Variants in BCAP29 observed in about 807,000 individuals in gnomAD.
BCAP29 encodes the protein B-cell receptor-associated protein 29.
BCAP29 carries 34 observed loss-of-function variants against 31.8 expected under a neutral mutation model. That is an observed-to-expected ratio of 1.07 (90% CI 0.81 to 1.42). The LOEUF is 1.42. Ranked by LOEUF, BCAP29 falls within the 40% of genes most tolerant of loss-of-function variation. The probability of loss-of-function intolerance (pLI) is 0.00; values close to 1 mark genes in which losing one functional copy is unlikely to be tolerated. For synonymous variants in BCAP29, 104 were observed against 91.3 expected, an observed-to-expected ratio of 1.14 and a Z score of -0.79; for missense variants, 314 against 269.2, an observed-to-expected ratio of 1.17 and a Z score of -1.16.
At chr7:107,600,362 A>G (rs1477038390) in intron 5 of BCAP29, 35 bp from the exon 6 acceptor site, 2 of 1,299,486 alleles carry the variant, frequency 1.5e-6, no homozygotes, top group Middle Eastern at 1.9e-4. Flanking sequence ...ATTGCAATCT[A>G]AGCTTATTTC....
At chr7:107,594,187 G>A (rs999544086) in intron 4 of BCAP29, 82 bp downstream of exon 4, 6 of 1,289,692 alleles carry the variant, frequency 4.7e-6, no homozygotes, top group Non-Finnish European at 5.3e-6. Flanking sequence ...CTTTACTGTA[G>A]ATTTTTTTTT....
At chr7:107,582,126 A>G (rs892483961) in intron 2 of BCAP29, among the ~76,000 whole-genome samples, 1 of 152,348 alleles carries the variant, frequency 6.6e-6, no homozygotes, top group East Asian at 1.9e-4. Flanking sequence ...CTCAAGAGAA[A>G]GAAAGATTTT....
chr7:107,621,758 ATTCTTC>A (rs1264829837), downstream of BCAP29: 1 of 472,984 alleles, frequency 2.1e-6, no homozygotes, highest in African/African-American at 2.0e-5. Flanking sequence ...CAAAGAACAG[ATTCTTC>A]CCCAGAGCCT....
chr7:107,602,790 A>G (rs1002666382), intron 6 of BCAP29, among the ~76,000 whole-genome samples: 4 of 151,988 alleles, frequency 2.6e-5, no homozygotes, highest in African/African-American at 7.2e-5. Context: ...TTTAACCTCC[A>G]ACTCCTATTT....
At chr7:107,584,767 G>T (rs1209694221) in intron 3 of BCAP29, among the ~76,000 whole-genome samples, 2 of 152,166 alleles carry the variant, frequency 1.3e-5, no homozygotes, top group Non-Finnish European at 2.9e-5. Context: ...TGAATATGGA[G>T]TGATTGTATA....
At chr7:107,586,762 C>T (rs1807774663) in intron 3 of BCAP29, among the ~76,000 whole-genome samples, 1 of 138,494 alleles carries the variant, frequency 7.2e-6, no homozygotes. Context: ...GGGTCTCACT[C>T]TGTCACCAAG....
Position 107,580,822 on chromosome 7 carries a change from G to A in BCAP29, c.50G>A (p.Gly17Glu). ...GCAACCTTTCTTTATGCCGAAATAG[G>A]ACTCATTTTAATCTTCTGCCTACCT... ...AVATFLYAEIGLILIFCLPFI... is the reference protein window; with the variant it reads ...AVATFLYAEIELILIFCLPFI... Residue 17 changes from glycine (G) to glutamate (E), a missense_variant, in exon 2 of 8, where the codon GGA (glycine) becomes GAA (glutamate). Coordinates refer to ENST00000005259, the MANE Select transcript of BCAP29 (RefSeq NM_018844.4). The A allele has an allele frequency of 6.3e-7, 1 of 1,590,670 alleles. No homozygotes were observed. Among genetic ancestry groups the A allele is most frequent in the Non-Finnish European group, 8.5e-7 (1 of 1,170,400 alleles).
rs547298093 is a variant in BCAP29 at position 107,605,206 on chromosome 7, A to G, written c.589+4701A>G. ...CTTTCAGTAACCAGGAGGAATAGCT[A>G]TAGGGAAGATATTAAGACAGAAATT... is the stretch of plus-strand genomic sequence containing the variant. On this transcript the variant is annotated intron_variant, in intron 6 of 7. Coordinates refer to ENST00000005259, the MANE Select transcript of BCAP29 (RefSeq NM_018844.4). Among the ~76,000 whole-genome samples, 3 of 152,318 alleles carry G rather than the reference A, an allele frequency of 2.0e-5. No homozygotes were observed. The South Asian group carries it at 6.2e-4, about 32-fold the overall frequency.
intron 7 of BCAP29, among the ~76,000 whole-genome samples, chr7:107,614,807 A>G (rs1813823644): frequency 6.6e-6 from 1 of 152,222 alleles, no homozygotes; most frequent in South Asian, 2.1e-4. Flanking sequence ...TGGAGCAGAT[A>G]GGTAGATTGT....
intron 6 of BCAP29, among the ~76,000 whole-genome samples, chr7:107,610,463 T>G (rs1233286953): frequency 6.6e-6 from 1 of 152,186 alleles, no homozygotes; most frequent in African/African-American, 2.4e-5. Context: ...TATAGTCCCT[T>G]GGTTACAGAT....
At chr7:107,616,079 A>G (rs923394676) in intron 7 of BCAP29, among the ~76,000 whole-genome samples, 6 of 151,846 alleles carry the variant, frequency 4.0e-5, no homozygotes, top group African/African-American at 1.5e-4. Context: ...CCACTGCTTT[A>G]CTCTGTATCT....
intron 6 of BCAP29, among the ~76,000 whole-genome samples, chr7:107,609,970 G>T (rs1337732448): frequency 6.6e-6 from 1 of 152,142 alleles, no homozygotes; most frequent in Non-Finnish European, 1.5e-5. Flanking sequence ...CCATTTCCTG[G>T]CAGAGCTTTA....
Position 107,620,136 on chromosome 7 carries a change from A to G in BCAP29, c.*1773A>G, listed in dbSNP as rs1321383335. 6.6e-6 allele frequency: 1 copy of G among 152,202 alleles called. No individual in the cohort carries two copies. The highest frequency in any genetic ancestry group is 1.9e-4 in the East Asian group (1 of 5,200). 9.4% of individuals were successfully genotyped at this position (152,202 alleles called of 1,614,324 possible). ...TACATTTAAGGGACCTTGGACCTCA[A>G]CCCTCTCAAGTTTACAAGTCTGAAA... On this transcript the variant is annotated 3_prime_UTR_variant, in exon 8 of 8. Transcript: ENST00000005259.
chr7:107,582,011 C>G (rs1156641878), intron 2 of BCAP29, among the ~76,000 whole-genome samples: 5 of 152,200 alleles, frequency 3.3e-5, no homozygotes, highest in African/African-American at 9.7e-5. Context: ...GTCCAGTGTT[C>G]TTTCTACTCC....
At chr7:107,580,440 C>G (rs1037075645) in intron 1 of BCAP29, 139 bp downstream of exon 1, 3 of 265,954 alleles carry the variant, frequency 1.1e-5, no homozygotes, top group Admixed American at 1.2e-4. Context: ...GTCGAGGGCC[C>G]GCGGCGCCTT....
chr7:107,594,325 T>C (rs573882562), intron 4 of BCAP29: 2 of 509,480 alleles, frequency 3.9e-6, no homozygotes, highest in South Asian at 5.0e-5. Context: ...TTTCTAGGAC[T>C]ACAGGCGGCA....
rs1432933999 is a variant in BCAP29 at position 107,593,962 on chromosome 7, G to A, written c.201G>A (p.Val67=). 4 of 1,607,982 alleles carry A rather than the reference G, an allele frequency of 2.5e-6. No homozygotes were observed. In the East Asian group the frequency reaches 6.7e-5, roughly 27 times the overall value. ...TCTTTTGTTCTGTAATAGATGCTGT[G>A]AGAGAAGTAAGGAAATATTCCTCAG... ...ILLIVLFLDA[V]REVRKYSSVH... Residue 67 remains valine, a synonymous_variant, in exon 4 of 8, where the codon GTG becomes GTA. Coordinates refer to ENST00000005259, the MANE Select transcript of BCAP29 (RefSeq NM_018844.4).
chr7:107,605,555 G>T (rs1811936771), intron 6 of BCAP29, among the ~76,000 whole-genome samples: 1 of 152,190 alleles, frequency 6.6e-6, no homozygotes, highest in African/African-American at 2.4e-5. Context: ...GCAGAAAAAT[G>T]AGTGAAATGA....
chr7:107,585,937 G>A (rs926836164), intron 3 of BCAP29, among the ~76,000 whole-genome samples: 1 of 152,144 alleles, frequency 6.6e-6, no homozygotes, highest in African/African-American at 2.4e-5. Context: ...GTTGCAGTGA[G>A]CCGAGATCGC....
Sources: allele counts gnomAD v4.1 joint callset (sites outside exome capture counted in the v4.1 genomes callset), GRCh38; gene constraint gnomAD v4.1.1; transcripts MANE v1.5; gene names NCBI Gene and HGNC (gene_info 2026-07-23, HGNC 2026-07-21).